Variants in LRP1B observed in about 807,000 individuals in gnomAD.
The protein encoded by LRP1B is low-density lipoprotein receptor-related protein 1B.
In LRP1B, 217 loss-of-function variants were observed where a neutral mutation model predicts 556.6. That is an observed-to-expected ratio of 0.39 (90% CI 0.35 to 0.44). LRP1B has a LOEUF of 0.44. Ranked by LOEUF, LRP1B falls within the 20% of genes least tolerant of loss-of-function variation. The pLI is 1.00. For missense variants in LRP1B, 5,053 were observed against 5,620.8 expected (o/e 0.90, Z 3.23); for synonymous variants, 2,047 against 1,865.8 (o/e 1.10, Z -2.50).
intron 20 of LRP1B, among the ~76,000 whole-genome samples, chr2:140,937,275 G>C (rs753425834): frequency 6.6e-6 from 1 of 152,034 alleles, no homozygotes; most frequent in African/African-American, 2.4e-5. Context: ...ATAAAGGAAG[G>C]AAATACGGAC....
intron 67 of LRP1B, among the ~76,000 whole-genome samples, chr2:140,385,113 G>T (rs1185480057): frequency 6.6e-6 from 1 of 152,190 alleles, no homozygotes; most frequent in Non-Finnish European, 1.5e-5. Context: ...GCCAGGTGTG[G>T]TGGCATGCTT....
At chr2:140,298,259 C>A (rs996241149) in intron 83 of LRP1B, among the ~76,000 whole-genome samples, 1 of 152,170 alleles carries the variant, frequency 6.6e-6, no homozygotes, top group Non-Finnish European at 1.5e-5. Context: ...TAAAGTACTT[C>A]TTATTTTTAC....
chr2:142,117,441 T>C (rs1313284233), intron 1 of LRP1B, among the ~76,000 whole-genome samples: 1 of 152,104 alleles, frequency 6.6e-6, no homozygotes, highest in Non-Finnish European at 1.5e-5. Flanking sequence ...GGCCATCTTT[T>C]GCCTGCAGTG....
intron 66 of LRP1B, among the ~76,000 whole-genome samples, chr2:140,406,228 C>A (rs1386623183): frequency 6.6e-6 from 1 of 152,056 alleles, no homozygotes; most frequent in African/African-American, 2.4e-5. Flanking sequence ...AACCCACAGC[C>A]ACCATCATGT....
intron 23 of LRP1B, 91 bp from the exon 24 acceptor site, chr2:140,886,426 AT>A: frequency 1.5e-6 from 1 of 674,512 alleles, no homozygotes; most frequent in Non-Finnish European, 2.4e-6. Context: ...TAAAAGTATA[AT>A]TTATTACATA....
chr2:141,071,837 G>A (rs919010037), intron 7 of LRP1B, among the ~76,000 whole-genome samples: 1 of 152,060 alleles, frequency 6.6e-6, no homozygotes, highest in African/African-American at 2.4e-5. Context: ...ACAAACCACT[G>A]CTCGATGAAA....
chr2:140,987,206 G>T (rs1243596232), intron 17 of LRP1B, among the ~76,000 whole-genome samples: 1 of 151,982 alleles, frequency 6.6e-6, no homozygotes, highest in Non-Finnish European at 1.5e-5. Flanking sequence ...AGTTCTTAAG[G>T]TATCCAGTGA....
intron 86 of LRP1B, among the ~76,000 whole-genome samples, chr2:140,264,641 A>G (rs1400251516): frequency 6.6e-6 from 1 of 150,854 alleles, no homozygotes; most frequent in Non-Finnish European, 1.5e-5. Flanking sequence ...CAACATATGA[A>G]TTCAGGGAGA....
intron 2 of LRP1B, among the ~76,000 whole-genome samples, chr2:141,605,073 T>C (rs1687866802): frequency 1.3e-5 from 2 of 151,876 alleles, no homozygotes; most frequent in Non-Finnish European, 2.9e-5. Context: ...CAGAGGTTCC[T>C]GGCTGGCAAA....
At chr2:140,805,145 C>T (rs150089144) in intron 32 of LRP1B, among the ~76,000 whole-genome samples, 286 of 152,248 alleles carry the variant, frequency 1.9e-3, no homozygotes, top group African/African-American at 6.4e-3. Flanking sequence ...TGCAAATACA[C>T]ACAGGACCCA....
chr2:141,314,911 C>T (rs9753071), intron 3 of LRP1B, among the ~76,000 whole-genome samples: 3 of 130,674 alleles, frequency 2.3e-5, no homozygotes, highest in Non-Finnish European at 4.8e-5. Flanking sequence ...TATATATATA[C>T]ACATATATAT....
At chr2:140,659,660 T>C (rs1048083925) in intron 41 of LRP1B, among the ~76,000 whole-genome samples, 4 of 151,984 alleles carry the variant, frequency 2.6e-5, no homozygotes, top group Non-Finnish European at 5.9e-5. Context: ...TAGGCTGAGA[T>C]ACAAAGGAAG....
chr2:141,895,236 A>AGTTGGG (rs1190330189), intron 1 of LRP1B, among the ~76,000 whole-genome samples: 1 of 152,108 alleles, frequency 6.6e-6, no homozygotes, highest in Non-Finnish European at 1.5e-5. Flanking sequence ...ATTGGATAGT[A>AGTTGGG]GTTGGAGCCA....
intron 3 of LRP1B, among the ~76,000 whole-genome samples, chr2:141,257,136 G>A (rs889119746): frequency 1.3e-5 from 2 of 152,110 alleles, no homozygotes; most frequent in African/African-American, 4.8e-5. Flanking sequence ...AGCCTGTAAA[G>A]TGCACTAGGC....
chr2:141,495,651 C>T (rs543851753), intron 2 of LRP1B, among the ~76,000 whole-genome samples: 2 of 152,044 alleles, frequency 1.3e-5, no homozygotes, highest in African/African-American at 2.4e-5. Flanking sequence ...CAATTCAATA[C>T]CTTTACTACA....
intron 18 of LRP1B, among the ~76,000 whole-genome samples, chr2:140,966,653 T>C (rs1010419003): frequency 6.6e-6 from 1 of 152,250 alleles, no homozygotes; most frequent in African/African-American, 2.4e-5. Context: ...CTAGCTTTTC[T>C]TCTAGAGTTT....
chr2:141,279,179 CA>C (rs1223141894), intron 3 of LRP1B, among the ~76,000 whole-genome samples: 4 of 147,178 alleles, frequency 2.7e-5, no homozygotes, highest in African/African-American at 5.0e-5. Flanking sequence ...AGAAACGAAG[CA>C]AAAAAAAAGG....
At position 140,378,233 on chromosome 2, in the gene LRP1B, A is replaced by T; in HGVS notation, c.10585T>A (p.Ser3529Thr). The T allele has an allele frequency of 1.2e-6, 2 of 1,613,858 alleles. No individual in the cohort carries two copies. Among genetic ancestry groups the T allele is most frequent in the Non-Finnish European group, 1.7e-6 (2 of 1,179,798 alleles). ...DFLCANGDCV[S>T]SRFWCDGDFD... ...TCTCCATCACACCAAAACCTTGAAG[A>T]AACACAGTCCCCATTGGCACAGAGG... The change falls in exon 68 of 91, where the codon TCT becomes ACT. Residue 3529 changes from serine (S) to threonine (T), a missense_variant. By Grantham distance (58) the Ser-to-Thr change is moderately conservative. Around this residue, in one of 5 missense-constraint regions of LRP1B, gnomAD observed 599 missense variants for 648.4 expected, o/e 0.92. Transcript: ENST00000389484.
intron 1 of LRP1B, among the ~76,000 whole-genome samples, chr2:142,029,829 C>CT (rs1003638443): frequency 4.0e-5 from 6 of 151,688 alleles, no homozygotes; most frequent in Non-Finnish European, 5.9e-5. Context: ...TCTTTCTTCA[C>CT]TTTTTTTTCT....
Sources: gnomAD v4.1 joint callset for allele counts (sites outside exome capture counted in the v4.1 genomes callset) on GRCh38, gnomAD v4.1.1 for gene constraint, gnomAD v4.1.1 regional missense constraint, MANE v1.5 for transcripts, NCBI Gene and HGNC (gene_info 2026-07-23, HGNC 2026-07-21) for gene names.